Variants in LRIG3 observed in about 807,000 individuals in gnomAD.
LRIG3 encodes the protein leucine-rich repeats and immunoglobulin-like domains protein 3.
A neutral mutation model predicts 114.5 loss-of-function variants in LRIG3; 76 were observed. The ratio of observed to expected loss-of-function variants is 0.66; its 90% CI spans 0.55 to 0.80. LRIG3 has a LOEUF of 0.80. Among genes scored for constraint, LRIG3 ranks in the 30% least tolerant of loss-of-function variants. The pLI, the probability that LRIG3 is intolerant of heterozygous loss-of-function variation, is 0.00. For synonymous variants in LRIG3, 512 were observed against 519.8 expected (o/e 0.98, Z 0.20); for missense variants, 1,239 against 1,382.8 (o/e 0.90, Z 1.65).
At chr12:58,919,941 C>T (rs1872608400) in intron 1 of LRIG3, 59 bp downstream of exon 1, 5 of 1,479,138 alleles carry the variant, frequency 3.4e-6, no homozygotes, top group Non-Finnish European at 9.2e-7. Context: ...CCCGCCGGCT[C>T]CTGTTTTCTC....
chr12:58,896,604 AG>A (rs1871649371), intron 3 of LRIG3, among the ~76,000 whole-genome samples: 1 of 152,256 alleles, frequency 6.6e-6, no homozygotes, highest in Non-Finnish European at 1.5e-5. Context: ...TAGGCAATTT[AG>A]AGAAGGTATC....
chr12:58,915,075 T>A (rs1872427417), intron 1 of LRIG3, among the ~76,000 whole-genome samples: 1 of 152,204 alleles, frequency 6.6e-6, no homozygotes, highest in Non-Finnish European at 1.5e-5. Flanking sequence ...TCATTACTAT[T>A]AAAAACAATA....
intron 12 of LRIG3, among the ~76,000 whole-genome samples, chr12:58,882,523 G>A (rs992150638): frequency 4.6e-5 from 7 of 152,202 alleles, no homozygotes; most frequent in African/African-American, 1.7e-4. Context: ...GAGTTGGGAA[G>A]AGAAGAAAGG....
At chr12:58,880,531 T>G in intron 13 of LRIG3, 50 bp downstream of exon 13, 1 of 1,567,988 alleles carries the variant, frequency 6.4e-7, no homozygotes, top group Non-Finnish European at 8.7e-7. Context: ...AGGTGCTTTC[T>G]ATTTCTAAAA....
At chr12:58,905,990 A>C (rs1481906838) in intron 3 of LRIG3, among the ~76,000 whole-genome samples, 1 of 152,176 alleles carries the variant, frequency 6.6e-6, no homozygotes, top group Non-Finnish European at 1.5e-5. Context: ...CCTCTAATAA[A>C]ATGATGTCCT....
intron 14 of LRIG3, 140 bp downstream of exon 14, chr12:58,878,684 G>T: frequency 2.0e-6 from 2 of 1,005,344 alleles, no homozygotes; most frequent in Non-Finnish European, 2.9e-6. Context: ...GAGGCCATTT[G>T]CATTAATACT....
intron 5 of LRIG3, 75 bp downstream of exon 5, chr12:58,889,921 T>C (rs1445883246): frequency 2.0e-6 from 3 of 1,531,702 alleles, no homozygotes; most frequent in East Asian, 2.3e-5. Context: ...TTTTGCCACA[T>C]TGTAGATTTT....
At chr12:58,910,348 G>A (rs1312459615) in intron 3 of LRIG3, among the ~76,000 whole-genome samples, 1 of 152,218 alleles carries the variant, frequency 6.6e-6, no homozygotes, top group African/African-American at 2.4e-5. Context: ...GGTGGCTCAC[G>A]CCTTTAATCC....
intron 3 of LRIG3, among the ~76,000 whole-genome samples, chr12:58,905,567 C>G (rs750392849): frequency 6.6e-6 from 1 of 152,174 alleles, no homozygotes; most frequent in African/African-American, 2.4e-5. Context: ...CCAAAACTCA[C>G]GTTGAAATGT....
In LRIG3 at chr12:58,906,040, G is replaced by C. The variant is rs182898575; in HGVS notation, c.383+7942C>G. ...AACAGCCCATTCATCTGCATCAGGA[G>C]AGCACACGTCCTAGATAAATTTGGC... On this transcript the variant is annotated intron_variant, in intron 3 of 18. Coordinates refer to ENST00000320743, the MANE Select transcript of LRIG3 (RefSeq NM_153377.5). Among the ~76,000 whole-genome samples the C allele has an allele frequency of 1.2e-3, 190 of 152,180 alleles. 1 individual carries two copies. The highest frequency in any genetic ancestry group is 4.4e-3 in the African/African-American group (182 of 41,526).
At chr12:58,908,803 A>G (rs1330900223) in intron 3 of LRIG3, among the ~76,000 whole-genome samples, 1 of 152,212 alleles carries the variant, frequency 6.6e-6, no homozygotes, top group Non-Finnish European at 1.5e-5. Flanking sequence ...TAATTCATAC[A>G]TTCATAGATA....
chr12:58,886,885 A>G lies in LRIG3; in HGVS notation c.1097T>C (p.Leu366Pro). 6.2e-7 allele frequency: 1 copy of G among 1,612,812 alleles called. No homozygotes were observed. Among genetic ancestry groups the G allele is most frequent in the Non-Finnish European group, 8.5e-7 (1 of 1,179,010 alleles). Residue 366 changes from leucine (L) to proline (P), a missense_variant, in exon 9 of 19, where the codon CTG (leucine) becomes CCG (proline). Leu to Pro is a moderately conservative substitution (Grantham distance 98). Coordinates refer to ENST00000320743, the MANE Select transcript of LRIG3 (RefSeq NM_153377.5). Reference sequence around the variant, plus strand: ...AGTCCAGGAAATTTCATTGTTCTTCAGATCCCTAATTTTAAAAGAAGCATT... The same window carrying G: ...AGTCCAGGAAATTTCATTGTTCTTCGGATCCCTAATTTTAAAAGAAGCATT... Reference protein sequence around the residue: ...RGLSSLKTLDLKNNEISWTIE... With the variant: ...RGLSSLKTLDPKNNEISWTIE...
intron 3 of LRIG3, among the ~76,000 whole-genome samples, chr12:58,895,275 T>C (rs1466009500): frequency 6.6e-6 from 1 of 152,018 alleles, no homozygotes; most frequent in Non-Finnish European, 1.5e-5. Flanking sequence ...GTGTGGTAAG[T>C]GCAGCGACAG....
rs1329313952 is a variant in LRIG3 at position 58,920,357 on chromosome 12, G to A, written c.-122C>T. On this transcript the variant is annotated 5_prime_UTR_variant, in exon 1 of 19. Coordinates refer to ENST00000320743, the MANE Select transcript of LRIG3 (RefSeq NM_153377.5). The stretch of plus-strand genomic sequence containing the variant: ...GCGGTCGCGTGCGCGCTCCTCCCTC[G>A]CGCTGCCCGGTCAATTCCTTCTTTT... 1 of 642,222 alleles carries A rather than the reference G, an allele frequency of 1.6e-6. No individual in the cohort carries two copies. Among genetic ancestry groups the A allele is most frequent in the Non-Finnish European group, 2.3e-6 (1 of 436,944 alleles). The allele number at this position is 642,222 out of a possible 1,614,324, so 39.8% of individuals were successfully genotyped here. A position where few individuals can be genotyped will look rare whatever the true frequency, so the allele number is the denominator to read the frequency against.
chr12:58,884,838 A>G (rs558750782), intron 10 of LRIG3, among the ~76,000 whole-genome samples: 10 of 152,350 alleles, frequency 6.6e-5, no homozygotes, highest in Non-Finnish European at 1.3e-4. Context: ...AATACATATT[A>G]AAACTTCTGG....
intron 18 of LRIG3, 68 bp from the exon 19 acceptor site, chr12:58,872,884 C>A (rs1303566234): frequency 3.2e-6 from 5 of 1,546,486 alleles, no homozygotes; most frequent in Non-Finnish European, 3.5e-6. Flanking sequence ...AAACCCATTG[C>A]AAATGAAGGA....
intron 3 of LRIG3, among the ~76,000 whole-genome samples, chr12:58,897,148 A>G (rs1226845427): frequency 6.6e-6 from 1 of 152,222 alleles, no homozygotes; most frequent in African/African-American, 2.4e-5. Context: ...GGTTTCATTA[A>G]AAGAACACAT....
intron 3 of LRIG3, among the ~76,000 whole-genome samples, chr12:58,899,700 G>A (rs532749609): frequency 9.9e-5 from 15 of 152,098 alleles, no homozygotes; most frequent in African/African-American, 4.8e-5. Context: ...TGTTAGAAAC[G>A]TCTTCAAAAG....
Position 58,906,610 on chromosome 12 carries a change from G to T in LRIG3, c.383+7372C>A, listed in dbSNP as rs972491748. 5.3e-5 allele frequency among the ~76,000 whole-genome samples: 8 copies of T among 152,162 alleles called. No homozygotes were observed. In the South Asian group the frequency reaches 1.2e-3, roughly 24 times the overall value. On this transcript the variant is annotated intron_variant, in intron 3 of 18. Transcript: ENST00000320743. ...AGTATATAAATAGCAGAATATTGCA[G>T]ATCTGATTTGTGATCACTATGGCCA...
Sources: allele counts gnomAD v4.1 joint callset (sites outside exome capture counted in the v4.1 genomes callset), GRCh38; gene constraint gnomAD v4.1.1; transcripts MANE v1.5; gene names NCBI Gene and HGNC (gene_info 2026-07-23, HGNC 2026-07-21).